The following SMPD3 variants were observed in gnomAD, a reference collection of about 807,000 sequenced individuals.
The protein encoded by SMPD3 is nSMase-2.
SMPD3 carries 21 observed loss-of-function variants against 55.7 expected under a neutral mutation model. The observed-to-expected ratio is 0.38, with a 90% confidence interval of 0.27 to 0.54. The LOEUF (loss-of-function observed/expected upper bound fraction) is 0.54, where lower values mean the gene tolerates loss of function less well. SMPD3 is among the 20% of genes least tolerant of loss of function. The pLI is 0.80. For synonymous variants in SMPD3, 457 were observed against 404.3 expected (o/e 1.13, Z -1.56); for missense variants, 842 against 899.6 (o/e 0.94, Z 0.82).
intron 7 of SMPD3, 80 bp from the exon 8 acceptor site, chr16:68,361,839 T>C (rs2089287407): frequency 7.5e-7 from 1 of 1,335,984 alleles, no homozygotes; most frequent in Non-Finnish European, 1.0e-6. Flanking sequence ...GGAGCCATGG[T>C]CTCCTCCCAG....
At position 68,361,256 on chromosome 16, in the gene SMPD3, G is replaced by A. The variant is rs926434757; in HGVS notation, c.1918C>T (p.Leu640=). Residue 640 remains leucine, a synonymous_variant, in exon 9 of 9, where the codon CTG becomes TTG. Coordinates refer to ENST00000219334, the MANE Select transcript of SMPD3 (RefSeq NM_018667.4). ...ITQLSGLTDH[L]PVAMRLMVSS... ...ACCATCAGTCGCATGGCTACTGGCAGGTGGTCCGTCAGGCCGGACAGCTGG... is the reference window on the plus strand; with the variant it reads ...ACCATCAGTCGCATGGCTACTGGCAAGTGGTCCGTCAGGCCGGACAGCTGG... 21 of 1,613,398 alleles carry A rather than the reference G, an allele frequency of 1.3e-5. No individual in the cohort carries two copies. The highest frequency in any genetic ancestry group is 1.7e-5 in the Non-Finnish European group (20 of 1,179,816).
At chr16:68,378,293 A>G (rs1019220173) in intron 2 of SMPD3, among the ~76,000 whole-genome samples, 1 of 152,218 alleles carries the variant, frequency 6.6e-6, no homozygotes, top group Non-Finnish European at 1.5e-5. Flanking sequence ...TGGCATGGCA[A>G]CATGAGCTCT....
rs1161439646 is a variant in SMPD3 at position 68,359,347 on chromosome 16, C to G, written c.*1859G>C. ...GGGGTGGGCCGGGCAGAGAGCCCAGCAGGATGCTCGCCCTCAGCAGCCCCT... is the reference window on the plus strand; with the variant it reads ...GGGGTGGGCCGGGCAGAGAGCCCAGGAGGATGCTCGCCCTCAGCAGCCCCT... On this transcript the variant is annotated 3_prime_UTR_variant, in exon 9 of 9. Transcript: ENST00000219334. 6.6e-6 allele frequency: 1 copy of G among 152,444 alleles called. No homozygotes were observed. Among genetic ancestry groups the G allele is most frequent in the Non-Finnish European group, 1.5e-5 (1 of 68,136 alleles). The allele number at this position is 152,444 out of a possible 1,614,324, so 9.4% of individuals were successfully genotyped here.
intron 2 of SMPD3, among the ~76,000 whole-genome samples, chr16:68,374,495 G>A (rs1453324328): frequency 1.3e-5 from 2 of 152,160 alleles, no homozygotes; most frequent in East Asian, 3.9e-4. Flanking sequence ...CTCTGTGCTG[G>A]GCCTCAGTGA....
chr16:68,387,933 C>G (rs1387313325), intron 1 of SMPD3, among the ~76,000 whole-genome samples: 1 of 152,234 alleles, frequency 6.6e-6, no homozygotes, highest in Non-Finnish European at 1.5e-5. Context: ...AATTGGCTCC[C>G]TTCTCACTAG....
chr16:68,371,793 T>C lies in SMPD3; in HGVS notation c.389A>G (p.Asn130Ser), dbSNP rs2089678849. ...PGKSFCFATA[N>S]VCLLPDSLAR... Reference sequence around the variant, plus strand: ...GAGTGAGTCGGGCAGGAGGCAGACGTTGGCAGTGGCAAAGCAGAAGCTTTT... The same window carrying C: ...GAGTGAGTCGGGCAGGAGGCAGACGCTGGCAGTGGCAAAGCAGAAGCTTTT... Residue 130 changes from asparagine to serine, a missense_variant, in exon 3 of 9, where the codon AAC becomes AGC. Asn to Ser is a conservative substitution (Grantham distance 46). Coordinates refer to ENST00000219334, the MANE Select transcript of SMPD3 (RefSeq NM_018667.4). 1.2e-6 allele frequency: 2 copies of C among 1,609,772 alleles called. No individual in the cohort carries two copies. The highest frequency in any genetic ancestry group is 1.7e-6 in the Non-Finnish European group (2 of 1,178,364).
At chr16:68,441,469 C>T (rs2090565303) in intron 1 of SMPD3, among the ~76,000 whole-genome samples, 2 of 151,864 alleles carry the variant, frequency 1.3e-5, no homozygotes, top group South Asian at 4.2e-4. Flanking sequence ...TTCTAGTGGC[C>T]ACATTATAAA....
intron 1 of SMPD3, among the ~76,000 whole-genome samples, chr16:68,432,954 C>T (rs2090491928): frequency 6.6e-6 from 1 of 152,088 alleles, no homozygotes; most frequent in African/African-American, 2.4e-5. Context: ...CAGGTGTGTG[C>T]CAGCATGCCC....
chr16:68,443,597 C>A (rs998645211), intron 1 of SMPD3, among the ~76,000 whole-genome samples: 1 of 152,062 alleles, frequency 6.6e-6, no homozygotes, highest in African/African-American at 2.4e-5. Context: ...TGGAAAGAAA[C>A]CCCTGGGCTA....
chr16:68,427,360 C>A (rs1365041559), intron 1 of SMPD3, among the ~76,000 whole-genome samples: 1 of 152,198 alleles, frequency 6.6e-6, no homozygotes, highest in East Asian at 1.9e-4. Flanking sequence ...TATCGTCAAA[C>A]TTGCCAGACG....
chr16:68,370,751 C>T (rs2089638890), intron 3 of SMPD3, 108 bp downstream of exon 3: 2 of 1,431,588 alleles, frequency 1.4e-6, no homozygotes, highest in East Asian at 4.9e-5. Context: ...ACTCCAACCT[C>T]CCACTCCAGC....
chr16:68,438,996 T>A, intron 1 of SMPD3, among the ~76,000 whole-genome samples: 1 of 152,198 alleles, frequency 6.6e-6, no homozygotes, highest in African/African-American at 2.4e-5. Flanking sequence ...ATAATGGTAT[T>A]CTTTTACACA....
chr16:68,362,097 G>A (rs1341151761), intron 7 of SMPD3, among the ~76,000 whole-genome samples: 8 of 152,240 alleles, frequency 5.3e-5, no homozygotes, highest in African/African-American at 1.7e-4. Context: ...ACAGGGGCCT[G>A]TTTTGAGGAG....
Position 68,370,731 on chromosome 16 carries a change from T to C in SMPD3, c.1323+128A>G, listed in dbSNP as rs1434100694. On this transcript the variant is annotated intron_variant, in intron 3 of 8. Transcript: ENST00000219334. ...CTGTTTGGCTCCAGGAAAGACCGCGTCTGCCTCCCACTCCAACCTCCCACT... is the reference window on the plus strand; with the variant it reads ...CTGTTTGGCTCCAGGAAAGACCGCGCCTGCCTCCCACTCCAACCTCCCACT... The C allele has an allele frequency of 2.4e-6, 3 of 1,261,976 alleles. No individual in the cohort carries two copies. The African/African-American group carries it at 4.5e-5, about 19-fold the overall frequency. 78.2% of individuals were successfully genotyped at this position (1,261,976 alleles called of 1,614,324 possible). A position where few individuals can be genotyped will look rare whatever the true frequency, so the allele number is the denominator to read the frequency against.
At chr16:68,428,625 G>T (rs2090456330) in intron 1 of SMPD3, among the ~76,000 whole-genome samples, 1 of 152,218 alleles carries the variant, frequency 6.6e-6, no homozygotes, top group Admixed American at 6.5e-5. Flanking sequence ...TTCCCAGGAA[G>T]TCATGCTGGG....
rs1228951294 is a variant in SMPD3, at chr16:68,360,726, G to GTGTT, written c.*476_*479dup. The GTGTT allele has an allele frequency of 1.2e-5, 2 of 160,904 alleles. No individual in the cohort carries two copies. The highest frequency in any genetic ancestry group is 2.7e-5 in the Non-Finnish European group (2 of 73,104). The allele number at this position is 160,904 out of a possible 1,614,324, so 10.0% of individuals were successfully genotyped here. ...AGTGCTTCTTTGGCTGGTTCTGATT[G>GTGTT]TGTTTGGAGTTTGGCCTTGGGTGAG... On this transcript the variant is annotated 3_prime_UTR_variant, in exon 9 of 9. Coordinates refer to ENST00000219334, the MANE Select transcript of SMPD3 (RefSeq NM_018667.4).
At position 68,361,233 on chromosome 16, in the gene SMPD3, C is replaced by T. The variant is rs563742348; in HGVS notation, c.1941G>A (p.Met647Ile). ...ATGCCTCCTCCTCCCCCGAAGACAC[C>T]ATCAGTCGCATGGCTACTGGCAGGT... is the stretch of plus-strand genomic sequence containing the variant. ...TDHLPVAMRLMVSSGEEEA is the reference protein window; with the variant it reads ...TDHLPVAMRLIVSSGEEEA The change falls in exon 9 of 9, where the codon ATG (methionine) becomes ATA (isoleucine). Residue 647 changes from methionine (M) to isoleucine (I), a missense_variant. By Grantham distance (10) the Met-to-Ile change is conservative (BLOSUM62 1). This residue lies in a region of SMPD3 where 649 missense variants were observed against 643.6 expected (regional missense o/e 1.01). Coordinates refer to ENST00000219334, the MANE Select transcript of SMPD3 (RefSeq NM_018667.4). 23 of 1,613,930 alleles carry T rather than the reference C, an allele frequency of 1.4e-5. No individual in the cohort carries two copies. Among genetic ancestry groups the T allele is most frequent in the Non-Finnish European group, 1.9e-5 (23 of 1,179,980 alleles).
In SMPD3 at chr16:68,361,587, G is replaced by A. The variant is rs2089271724; in HGVS notation, c.1866+16C>T. ...TCTCTTTGCATGGCCCTGGCTGCTGGGCCCTCCTGACTCACGGCCTTCCAG... is the reference window on the plus strand; with the variant it reads ...TCTCTTTGCATGGCCCTGGCTGCTGAGCCCTCCTGACTCACGGCCTTCCAG... On this transcript the variant is annotated intron_variant, in intron 8 of 8. Transcript: ENST00000219334. The A allele has an allele frequency of 6.2e-7, 1 of 1,604,622 alleles. No homozygotes were observed. Among genetic ancestry groups the A allele is most frequent in the African/African-American group, 1.3e-5 (1 of 74,898 alleles).
At chr16:68,440,799 C>G (rs1355972959) in intron 1 of SMPD3, among the ~76,000 whole-genome samples, 1 of 152,190 alleles carries the variant, frequency 6.6e-6, no homozygotes, top group Non-Finnish European at 1.5e-5. Flanking sequence ...TTGTCATTCC[C>G]CTGATTCCCC....
Sources: allele counts gnomAD v4.1 joint callset (sites outside exome capture counted in the v4.1 genomes callset), GRCh38; gene constraint gnomAD v4.1.1; regional missense constraint gnomAD v4.1.1; transcripts MANE v1.5; gene names NCBI Gene and HGNC (gene_info 2026-07-23, HGNC 2026-07-21).